TCERG1L: variants seen among roughly 807,000 people sequenced by gnomAD.
TCERG1L encodes transcription elongation regulator 1 like, also known as transcription elongation regulator 1-like protein.
A neutral mutation model predicts 56.3 loss-of-function variants in TCERG1L; 37 were observed. That is an observed-to-expected ratio of 0.66 (90% confidence interval 0.51 to 0.87). TCERG1L has a LOEUF of 0.87. Among genes scored for constraint, TCERG1L ranks in the 40% least tolerant of loss-of-function variants. TCERG1L has a pLI of 0.00. For synonymous variants in TCERG1L, 324 were observed against 326.3 expected (o/e 0.99, Z 0.08); for missense variants, 799 against 774.2 (o/e 1.03, Z -0.38).
intron 4 of TCERG1L, among the ~76,000 whole-genome samples, chr10:131,256,536 G>GA (rs1846165872): frequency 6.6e-6 from 1 of 152,116 alleles, no homozygotes; most frequent in African/African-American, 2.4e-5. Flanking sequence ...TTCTGGCCTG[G>GA]ACAATTCAGT....
At chr10:131,223,176 G>A (rs988354326) in intron 4 of TCERG1L, among the ~76,000 whole-genome samples, 13 of 152,358 alleles carry the variant, frequency 8.5e-5, no homozygotes, top group African/African-American at 3.1e-4. Flanking sequence ...GAGACCAGGA[G>A]ATCTGCCACC....
chr10:131,139,503 G>A (rs1326477509), intron 7 of TCERG1L, among the ~76,000 whole-genome samples: 1 of 152,226 alleles, frequency 6.6e-6, no homozygotes, highest in Non-Finnish European at 1.5e-5. Flanking sequence ...CTGAAAGATA[G>A]CCAAGACGCA....
Position 131,162,853 on chromosome 10 carries a change from C to G in TCERG1L, c.1034+269G>C, listed in dbSNP as rs1413450469. On this transcript the variant is annotated intron_variant, in intron 6 of 11. Coordinates refer to ENST00000368642, the MANE Select transcript of TCERG1L (RefSeq NM_174937.4). ...ATGCTACACTTTCTTCAGCCACTGC[C>G]TTTCGCTGATAGACATGCAACAGCA... 6 of 324,860 alleles carry G rather than the reference C, an allele frequency of 1.8e-5. No homozygotes were observed. In the Admixed American group the frequency reaches 2.9e-4, roughly 16 times the overall value. 20.1% of individuals were successfully genotyped at this position (324,860 alleles called of 1,614,324 possible).
At chr10:131,290,499 C>T (rs898305581) in intron 3 of TCERG1L, among the ~76,000 whole-genome samples, 1 of 151,914 alleles carries the variant, frequency 6.6e-6, no homozygotes, top group African/African-American at 2.4e-5. Flanking sequence ...GGCGTGGTGG[C>T]GGGTGCCTGT....
Position 131,176,690 on chromosome 10 carries a change from GCACA to G in TCERG1L, c.857-9809_857-9806del, listed in dbSNP as rs1253383858. Among the ~76,000 whole-genome samples, 3 of 117,342 alleles carry G rather than the reference GCACA, an allele frequency of 2.6e-5. No homozygotes were observed. In the South Asian group the frequency reaches 7.8e-4, roughly 31 times the overall value. 77.0% of individuals were successfully genotyped at this position (117,342 alleles called of 152,430 possible). A position where few individuals can be genotyped will look rare whatever the true frequency, so the allele number is the denominator to read the frequency against. On this transcript the variant is annotated intron_variant, in intron 4 of 11. Transcript: ENST00000368642. ...TACATGTACACACACCAAGAAACAT[GCACA>G]CACAGACACGTGTACACCCACAGAG... is the stretch of plus-strand genomic sequence containing the variant.
At chr10:131,292,194 C>T (rs187568944) in intron 3 of TCERG1L, among the ~76,000 whole-genome samples, 30 of 152,286 alleles carry the variant, frequency 2.0e-4, no homozygotes, top group Non-Finnish European at 3.7e-4. Context: ...AACAGTGTGG[C>T]GTTTTTTAGC....
intron 4 of TCERG1L, among the ~76,000 whole-genome samples, chr10:131,259,363 T>C (rs1051676170): frequency 3.9e-5 from 6 of 152,228 alleles, no homozygotes; most frequent in Non-Finnish European, 7.3e-5. Flanking sequence ...ATGGAATTTC[T>C]CTTCAAGTTT....
intron 4 of TCERG1L, among the ~76,000 whole-genome samples, chr10:131,247,398 C>T (rs1846051579): frequency 6.6e-6 from 1 of 152,208 alleles, no homozygotes; most frequent in Non-Finnish European, 1.5e-5. Context: ...TGTAGATCAG[C>T]ATCACCTACC....
rs75945755 is a variant in TCERG1L, at chr10:131,278,587, C to A, written c.671-18143G>T. 5.3e-5 allele frequency among the ~76,000 whole-genome samples: 8 copies of A among 152,246 alleles called. No homozygotes were observed. In the East Asian group the frequency reaches 1.6e-3, roughly 30 times the overall value. On this transcript the variant is annotated intron_variant, in intron 3 of 11. Coordinates refer to ENST00000368642, the MANE Select transcript of TCERG1L (RefSeq NM_174937.4). Reference sequence around the variant, plus strand: ...CGAACCCCTGACCTCAGGTGATCCACCCGCCTCGGCCTCCCAAAGTGCTGG... The same window carrying A: ...CGAACCCCTGACCTCAGGTGATCCAACCGCCTCGGCCTCCCAAAGTGCTGG...
intron 6 of TCERG1L, among the ~76,000 whole-genome samples, chr10:131,159,017 C>T (rs4751333): frequency 0.23 from 35,455 of 152,196 alleles, 4,527 homozygotes; most frequent in Middle Eastern, 0.36. Context: ...TCCTTCCCAC[C>T]CACTTCCACT....
At chr10:131,152,378 T>A (rs760680886) in intron 6 of TCERG1L, among the ~76,000 whole-genome samples, 9 of 152,184 alleles carry the variant, frequency 5.9e-5, no homozygotes, top group Non-Finnish European at 1.3e-4. Flanking sequence ...ATAGCAAAAG[T>A]GGCCTCTACT....
At position 131,311,388 on chromosome 10, in the gene TCERG1L, G is replaced by A; in HGVS notation, c.248C>T (p.Pro83Leu). ...CAGCAGCGGGAGCACCGGCTCGCTCGGGGCCGGCCAGCCGGGGAGACCGGG... is the reference window on the plus strand; with the variant it reads ...CAGCAGCGGGAGCACCGGCTCGCTCAGGGCCGGCCAGCCGGGGAGACCGGG... Reference protein sequence around the residue: ...LLPGLPGWPAPSEPVLPLLPL... With the variant: ...LLPGLPGWPALSEPVLPLLPL... The change falls in exon 1 of 12, where the codon CCG becomes CTG. Residue 83 changes from proline (P) to leucine (L), a missense_variant. Physicochemically the swap from Pro to Leu is moderately conservative, Grantham distance 98 (BLOSUM62 -3). Transcript: ENST00000368642. This position sits in a 1 kb window ranked among gnomAD's most constrained non-coding sequence, Gnocchi z 4.0. 1 of 1,189,662 alleles carries A rather than the reference G, an allele frequency of 8.4e-7. No homozygotes were observed. Among genetic ancestry groups the A allele is most frequent in the Non-Finnish European group, 1.0e-6 (1 of 962,176 alleles). 73.7% of individuals were successfully genotyped at this position (1,189,662 alleles called of 1,614,324 possible).
intron 4 of TCERG1L, among the ~76,000 whole-genome samples, chr10:131,225,923 G>A (rs535227147): frequency 6.6e-6 from 1 of 152,260 alleles, no homozygotes; most frequent in South Asian, 2.1e-4. Context: ...TAGACGCCAG[G>A]GTCAATTTCC....
At chr10:131,207,690 G>A (rs371408746) in intron 4 of TCERG1L, among the ~76,000 whole-genome samples, 4 of 152,258 alleles carry the variant, frequency 2.6e-5, no homozygotes, top group East Asian at 3.9e-4. Context: ...AGGACAGCGC[G>A]GGCCTCTGCA....
chr10:131,245,323 C>A (rs969213965), intron 4 of TCERG1L, among the ~76,000 whole-genome samples: 2 of 152,226 alleles, frequency 1.3e-5, no homozygotes, highest in Admixed American at 1.3e-4. Flanking sequence ...AGGCCTACCT[C>A]TTTGGGGTTC....
chr10:131,226,105 T>C (rs2133503211), intron 4 of TCERG1L, among the ~76,000 whole-genome samples: 1 of 152,156 alleles, frequency 6.6e-6, no homozygotes, highest in Middle Eastern at 3.4e-3. Context: ...GGCTGGCTAA[T>C]TTTTAAATAG....
At chr10:131,128,258 G>A (rs1845582104) in intron 8 of TCERG1L, among the ~76,000 whole-genome samples, 1 of 152,190 alleles carries the variant, frequency 6.6e-6, no homozygotes, top group South Asian at 2.1e-4. Context: ...TCCAGAAAGA[G>A]CATAATGACG....
intron 9 of TCERG1L, 103 bp downstream of exon 9, chr10:131,116,696 C>G: frequency 6.9e-7 from 1 of 1,447,444 alleles, no homozygotes; most frequent in Non-Finnish European, 9.4e-7. Context: ...TCAGCCTGAT[C>G]ATGAACTCAG....
chr10:131,205,864 A>G (rs897728692), intron 4 of TCERG1L, among the ~76,000 whole-genome samples: 1 of 152,206 alleles, frequency 6.6e-6, no homozygotes, highest in South Asian at 2.1e-4. Flanking sequence ...GGATGGACCC[A>G]GAGTTGGGAA....
Sources: allele counts gnomAD v4.1 joint callset (sites outside exome capture counted in the v4.1 genomes callset), GRCh38; gene constraint gnomAD v4.1.1; non-coding constraint Gnocchi (gnomAD v3.1); transcripts MANE v1.5; gene names NCBI Gene and HGNC (gene_info 2026-07-23, HGNC 2026-07-21).